The following GIPC2 variants were observed in gnomAD, a reference collection of about 807,000 sequenced individuals.
GIPC2 encodes GIPC PDZ domain containing family member 2.
A neutral mutation model predicts 30.6 loss-of-function variants in GIPC2; 30 were observed. The observed-to-expected ratio is 0.98, with a 90% CI of 0.73 to 1.33. The LOEUF (loss-of-function observed/expected upper bound fraction) is 1.33, where lower values mean the gene tolerates loss of function less well. Ranked by LOEUF, GIPC2 falls within the 40% of genes most tolerant of loss-of-function variation. The pLI is 0.00. For missense variants in GIPC2, 414 were observed against 390.3 expected (o/e 1.06, Z -0.51); for synonymous variants, 167 against 150.0 (o/e 1.11, Z -0.83).
intron 1 of GIPC2, among the ~76,000 whole-genome samples, chr1:78,070,705 C>T (rs1661601655): frequency 1.3e-5 from 2 of 152,032 alleles, no homozygotes; most frequent in African/African-American, 2.4e-5. Flanking sequence ...TATTATATTT[C>T]ATTAGTAAAG....
At chr1:78,075,377 G>A (rs1165620675) in intron 1 of GIPC2, among the ~76,000 whole-genome samples, 1 of 152,170 alleles carries the variant, frequency 6.6e-6, no homozygotes, top group Non-Finnish European at 1.5e-5. Flanking sequence ...GATCACTTGA[G>A]CCTGGGGGGT....
chr1:78,052,524 A>G (rs1661215453), intron 1 of GIPC2, among the ~76,000 whole-genome samples: 1 of 152,190 alleles, frequency 6.6e-6, no homozygotes, highest in Non-Finnish European at 1.5e-5. Flanking sequence ...TATCTTATGT[A>G]GGTGTTAATT....
intron 1 of GIPC2, among the ~76,000 whole-genome samples, chr1:78,058,758 T>A (rs1199342589): frequency 6.6e-6 from 1 of 152,230 alleles, no homozygotes; most frequent in Non-Finnish European, 1.5e-5. Flanking sequence ...CTTCACTTAT[T>A]TGAGTATCGT....
At chr1:78,106,607 G>A (rs547952868) in intron 3 of GIPC2, among the ~76,000 whole-genome samples, 2 of 152,182 alleles carry the variant, frequency 1.3e-5, no homozygotes, top group South Asian at 2.1e-4. Flanking sequence ...ACAACACAAC[G>A]TGCTGTAATA....
chr1:78,104,871 T>A (rs1273112805), intron 3 of GIPC2, among the ~76,000 whole-genome samples: 1 of 152,230 alleles, frequency 6.6e-6, no homozygotes, highest in Non-Finnish European at 1.5e-5. Flanking sequence ...GCAAAGTAAG[T>A]GTACACAGTG....
intron 1 of GIPC2, among the ~76,000 whole-genome samples, chr1:78,057,290 T>G (rs1661314538): frequency 6.6e-6 from 1 of 152,212 alleles, no homozygotes; most frequent in Admixed American, 6.5e-5. Flanking sequence ...CCTCTGAATG[T>G]ATGGCTGGGA....
At chr1:78,086,918 A>G (rs967720390) in intron 2 of GIPC2, among the ~76,000 whole-genome samples, 16 of 152,168 alleles carry the variant, frequency 1.1e-4, no homozygotes, top group African/African-American at 3.9e-4. Flanking sequence ...TTTAAATGGG[A>G]CATTTAGCCT....
intron 2 of GIPC2, among the ~76,000 whole-genome samples, chr1:78,087,237 A>G (rs944278445): frequency 3.3e-5 from 5 of 152,200 alleles, no homozygotes; most frequent in African/African-American, 9.6e-5. Flanking sequence ...ACTATAAAAA[A>G]TTATTTTAAA....
At chr1:78,088,485 C>T (rs1661975900) in intron 2 of GIPC2, among the ~76,000 whole-genome samples, 1 of 152,170 alleles carries the variant, frequency 6.6e-6, no homozygotes, top group African/African-American at 2.4e-5. Flanking sequence ...CCTCAGCAAA[C>T]TAATGCAGGA....
chr1:78,060,179 C>G (rs565020110), intron 1 of GIPC2, among the ~76,000 whole-genome samples: 4 of 151,628 alleles, frequency 2.6e-5, no homozygotes, highest in African/African-American at 9.7e-5. Context: ...CCTGTTTCAT[C>G]TCTCTTTTTT....
At chr1:78,133,784 GTGTGTA>G (rs752787349) in intron 5 of GIPC2, among the ~76,000 whole-genome samples, 7 of 143,258 alleles carry the variant, frequency 4.9e-5, no homozygotes, top group African/African-American at 1.1e-4. Context: ...GTGTGTGTGT[GTGTGTA>G]TGTATGTATT....
intron 5 of GIPC2, among the ~76,000 whole-genome samples, chr1:78,134,764 C>G (rs1309558640): frequency 2.6e-5 from 4 of 152,264 alleles, no homozygotes; most frequent in Admixed American, 2.0e-4. Flanking sequence ...GATGCTGGAG[C>G]TTTTCCCTGG....
intron 3 of GIPC2, among the ~76,000 whole-genome samples, chr1:78,098,420 A>G (rs918761006): frequency 6.6e-6 from 1 of 152,206 alleles, no homozygotes; most frequent in Non-Finnish European, 1.5e-5. Context: ...AATTTTGACT[A>G]TACTTCTAGG....
At chr1:78,131,401 G>A (rs970603095) in intron 5 of GIPC2, among the ~76,000 whole-genome samples, 14 of 151,930 alleles carry the variant, frequency 9.2e-5, no homozygotes, top group Non-Finnish European at 1.8e-4. Context: ...GTAGAGATGG[G>A]GTTTCACCGT....
At chr1:78,087,926 T>C (rs962407221) in intron 2 of GIPC2, among the ~76,000 whole-genome samples, 1 of 151,972 alleles carries the variant, frequency 6.6e-6, no homozygotes, top group African/African-American at 2.4e-5. Flanking sequence ...GACAACTCCA[T>C]TAAAAAGTGG....
intron 3 of GIPC2, among the ~76,000 whole-genome samples, chr1:78,114,105 C>T (rs78893684): frequency 0.023 from 3,490 of 152,278 alleles, 130 homozygotes; most frequent in African/African-American, 0.08. Flanking sequence ...ACCCACAAGC[C>T]GTGCATTCCT....
At position 78,122,474 on chromosome 1, in the gene GIPC2, T is replaced by C. The variant is rs369925423; in HGVS notation, c.714+2975T>C. ...CACATTTCCGCATGGCTGGGAGACCTCAAGAAACTTACAGTCATGGCAGAA... is the reference window on the plus strand; with the variant it reads ...CACATTTCCGCATGGCTGGGAGACCCCAAGAAACTTACAGTCATGGCAGAA... On this transcript the variant is annotated intron_variant, in intron 4 of 5. Transcript: ENST00000370759. Among the ~76,000 whole-genome samples, 5 of 152,200 alleles carry C rather than the reference T, an allele frequency of 3.3e-5. No homozygotes were observed. In the South Asian group the frequency reaches 1.0e-3, roughly 32 times the overall value.
In GIPC2 at chr1:78,135,841, C is replaced by A. The variant is rs1662993116; in HGVS notation, c.*98C>A. On this transcript the variant is annotated 3_prime_UTR_variant, in exon 6 of 6. Coordinates refer to ENST00000370759, the MANE Select transcript of GIPC2 (RefSeq NM_017655.6). ...CTGTTTTTGGACACCTTTACTAACT[C>A]TGGTTTAATTTCATGTGTATGGAAT... 1 of 936,786 alleles carries A rather than the reference C, an allele frequency of 1.1e-6. No individual in the cohort carries two copies. Among genetic ancestry groups the A allele is most frequent in the East Asian group, 2.5e-5 (1 of 39,224 alleles). The allele number at this position is 936,786 out of a possible 1,614,324, so 58.0% of individuals were successfully genotyped here.
chr1:78,047,982 A>G (rs1159117073), intron 1 of GIPC2, among the ~76,000 whole-genome samples: 1 of 152,134 alleles, frequency 6.6e-6, no homozygotes, highest in Admixed American at 6.5e-5. Flanking sequence ...GTAACCAGGG[A>G]CTTCAGTTTT....
Sources: gnomAD v4.1 joint callset for allele counts (sites outside exome capture counted in the v4.1 genomes callset) on GRCh38, gnomAD v4.1.1 for gene constraint, MANE v1.5 for transcripts, NCBI Gene and HGNC (gene_info 2026-07-23, HGNC 2026-07-21) for gene names.